Variants in ATP2C2 observed in about 807,000 individuals in gnomAD.
ATP2C2 encodes calcium-transporting ATPase type 2C member 2.
Under a neutral mutation model 110.8 loss-of-function variants are expected in ATP2C2, and 171 were observed. The observed-to-expected ratio is 1.54, with a 90% CI of 1.36 to 1.75. ATP2C2 has a LOEUF of 1.75. Among genes scored for constraint, ATP2C2 ranks in the 40% most tolerant of loss-of-function variants. The pLI, the probability that ATP2C2 is intolerant of heterozygous loss-of-function variation, is 0.00. For missense variants in ATP2C2, 1,963 were observed against 1,235.0 expected, an observed-to-expected ratio of 1.59 and a Z score of -8.84; for synonymous variants, 804 against 508.4, an observed-to-expected ratio of 1.58 and a Z score of -7.82.
At chr16:84,425,661 G>A in intron 10 of ATP2C2, 74 bp from the exon 11 acceptor site, 2 of 1,512,124 alleles carry the variant, frequency 1.3e-6, no homozygotes, top group South Asian at 1.1e-5. Flanking sequence ...CTTTAAGGAA[G>A]TGAGTTTGAA....
intron 20 of ATP2C2, among the ~76,000 whole-genome samples, chr16:84,454,311 G>A (rs1910589382): frequency 1.3e-5 from 2 of 152,144 alleles, no homozygotes; most frequent in African/African-American, 4.8e-5. Flanking sequence ...ACCAAAAAAA[G>A]GTAGAAAATG....
At chr16:84,440,760 G>A (rs769311563) in intron 13 of ATP2C2, 97 bp from the exon 14 acceptor site, 7 of 870,398 alleles carry the variant, frequency 8.0e-6, no homozygotes, top group Middle Eastern at 2.8e-4. Flanking sequence ...TTAGGATTGT[G>A]TCCCTGGAAT....
chr16:84,462,410 CAG>C, intron 26 of ATP2C2: 1 of 357,244 alleles, frequency 2.8e-6, no homozygotes, highest in Non-Finnish European at 5.2e-6. Flanking sequence ...GCTGGAGGCT[CAG>C]AGCACGTGCA....
At chr16:84,384,677 A>C (rs1391276451) in intron 1 of ATP2C2, among the ~76,000 whole-genome samples, 1 of 152,168 alleles carries the variant, frequency 6.6e-6, no homozygotes, top group East Asian at 1.9e-4. Context: ...TGCTTGGCTG[A>C]ATGGATTACT....
rs200342766 is a variant in ATP2C2, at chr16:84,460,615, C to T, written c.2334-39C>T. On this transcript the variant is annotated intron_variant, in intron 23 of 26. Coordinates refer to ENST00000262429, the MANE Select transcript of ATP2C2 (RefSeq NM_014861.4). ...GTTTCAAGGGTCCTTTATTTCATTC[C>T]TGGTTCATTTCAAAGTGTCTGTGTC... The T allele has an allele frequency of 3.5e-5, 56 of 1,613,884 alleles. 1 individual carries two copies. In the Admixed American group the frequency reaches 8.8e-4, roughly 25 times the overall value.
At chr16:84,428,993 T>C in intron 11 of ATP2C2, among the ~76,000 whole-genome samples, 1 of 152,176 alleles carries the variant, frequency 6.6e-6, no homozygotes, top group African/African-American at 2.4e-5. Context: ...GTTCTCGGTT[T>C]GTTTTACTAA....
At chr16:84,439,558 T>C (rs771417647) in intron 13 of ATP2C2, 34 bp downstream of exon 13, 34 of 1,588,558 alleles carry the variant, frequency 2.1e-5, no homozygotes, top group African/African-American at 2.7e-5. Flanking sequence ...GCCTTAAGGA[T>C]GCACCCAGCC....
At chr16:84,406,171 G>C (rs1905750002) in intron 3 of ATP2C2, among the ~76,000 whole-genome samples, 1 of 152,172 alleles carries the variant, frequency 6.6e-6, no homozygotes. Flanking sequence ...GCTGCCATCG[G>C]TGCTGGCGCG....
rs368339547 is a variant in ATP2C2 at position 84,415,541 on chromosome 16, G to A, written c.574G>A (p.Val192Ile). Residue 192 changes from valine to isoleucine, a missense_variant, in exon 7 of 27, where the codon GTA (valine) becomes ATA (isoleucine). Physicochemically the swap from Val to Ile is conservative, Grantham distance 29 (BLOSUM62 3). Transcript: ENST00000262429. The part of the protein sequence containing the change: ...LARELVPGDV[V>I]SLSIGDRIPA... ...TCGAGAACTGGTTCCTGGTGATGTC[G>A]TATCTCTCTCGATCGGAGACCGGAT... 2.5e-5 allele frequency: 40 copies of A among 1,614,130 alleles called. No homozygotes were observed. The East Asian group carries it at 3.6e-4, about 14-fold the overall frequency.
At chr16:84,462,644 G>A (rs1035317092) in intron 26 of ATP2C2, 20 of 153,450 alleles carry the variant, frequency 1.3e-4, no homozygotes, top group Admixed American at 1.0e-3. Context: ...CCCCGACATT[G>A]TCAGCCAAGC....
chr16:84,389,605 T>C (rs1377739247), intron 1 of ATP2C2, among the ~76,000 whole-genome samples: 2 of 152,116 alleles, frequency 1.3e-5, no homozygotes, highest in Non-Finnish European at 2.9e-5. Flanking sequence ...CCCCTTGGTG[T>C]CCTCTAAGGA....
chr16:84,429,343 G>T (rs1908061940), intron 11 of ATP2C2, among the ~76,000 whole-genome samples: 1 of 151,958 alleles, frequency 6.6e-6, no homozygotes, highest in South Asian at 2.1e-4. Flanking sequence ...AGTAGAGATG[G>T]GATTTCACCA....
At chr16:84,438,046 G>A (rs1422193045) in intron 11 of ATP2C2, among the ~76,000 whole-genome samples, 1 of 152,226 alleles carries the variant, frequency 6.6e-6, no homozygotes, top group Non-Finnish European at 1.5e-5. Flanking sequence ...ATGGTGGCAT[G>A]TGCCAGTGCC....
At chr16:84,397,732 T>A (rs1905084090) in intron 1 of ATP2C2, among the ~76,000 whole-genome samples, 1 of 148,970 alleles carries the variant, frequency 6.7e-6, no homozygotes, top group Non-Finnish European at 1.5e-5. Context: ...AACCCAGATA[T>A]TCATCAACAG....
At chr16:84,398,248 CA>C (rs1905110116) in intron 1 of ATP2C2, among the ~76,000 whole-genome samples, 1 of 151,466 alleles carries the variant, frequency 6.6e-6, no homozygotes, top group African/African-American at 2.4e-5. Context: ...CTAAAAATAC[CA>C]AAAAAATTTA....
intron 6 of ATP2C2, among the ~76,000 whole-genome samples, chr16:84,414,356 T>A (rs1906647995): frequency 6.6e-6 from 1 of 152,214 alleles, no homozygotes; most frequent in South Asian, 2.1e-4. Flanking sequence ...TGCCACCTTG[T>A]GCCCACTGGG....
intron 4 of ATP2C2, among the ~76,000 whole-genome samples, chr16:84,410,315 T>G (rs1365160310): frequency 6.6e-6 from 1 of 152,154 alleles, no homozygotes; most frequent in Admixed American, 6.5e-5. Context: ...GATTATAAGA[T>G]GCGGTGCCTT....
intron 1 of ATP2C2, among the ~76,000 whole-genome samples, chr16:84,387,740 G>A (rs536623639): frequency 2.0e-5 from 3 of 152,096 alleles, no homozygotes; most frequent in South Asian, 2.1e-4. Flanking sequence ...CCTTGAGTGC[G>A]TCTCCCAAGA....
At chr16:84,427,680 G>A (rs1284251578) in intron 11 of ATP2C2, among the ~76,000 whole-genome samples, 1 of 152,154 alleles carries the variant, frequency 6.6e-6, no homozygotes, top group African/African-American at 2.4e-5. Flanking sequence ...TTGCGCCACT[G>A]CCCTCCAGCC....
Sources: allele counts gnomAD v4.1 joint callset (sites outside exome capture counted in the v4.1 genomes callset), GRCh38; gene constraint gnomAD v4.1.1; transcripts MANE v1.5; gene names NCBI Gene and HGNC (gene_info 2026-07-23, HGNC 2026-07-21).